RYR2: variants seen among roughly 807,000 people sequenced by gnomAD.
The protein encoded by RYR2 is ryanodine receptor 2, also known as cardiac muscle ryanodine receptor-calcium release channel.
In RYR2, 227 loss-of-function variants were observed where a neutral mutation model predicts 601.1. The ratio of observed to expected loss-of-function variants is 0.38; its 90% CI spans 0.34 to 0.42. The LOEUF is 0.42. Among genes scored for constraint, RYR2 ranks in the 10% least tolerant of loss-of-function variants. The pLI is 1.00. For missense variants in RYR2, 4,646 were observed against 6,156.5 expected, an observed-to-expected ratio of 0.75 and a Z score of 8.21; for synonymous variants, 2,223 against 2,175.1, an observed-to-expected ratio of 1.02 and a Z score of -0.61.
In RYR2 at chr1:237,700,350, C is replaced by A. The variant is rs1356957973; in HGVS notation, c.9250C>A (p.Arg3084=). 6.2e-7 allele frequency: 1 copy of A among 1,602,894 alleles called. No homozygotes were observed. Among genetic ancestry groups the A allele is most frequent in the Non-Finnish European group, 8.5e-7 (1 of 1,174,236 alleles). ...CAAGCAGGGCCAGTTCACTCACACC[C>A]GAAACCAGCCCAAAGGGGTTACTCA... ...NLKQGQFTHT[R]NQPKGVTQII... The change falls in exon 65 of 105, where the codon CGA becomes AGA. Residue 3084 remains arginine (R), a synonymous_variant. Transcript: ENST00000366574.
chr1:237,045,216 C>T (rs1323248596), intron 1 of RYR2, among the ~76,000 whole-genome samples: 5 of 152,146 alleles, frequency 3.3e-5, no homozygotes, highest in African/African-American at 1.2e-4. Flanking sequence ...ATTGAGGCAT[C>T]TTTTTGACCA....
chr1:237,376,492 G>A (rs1701045765), intron 7 of RYR2, among the ~76,000 whole-genome samples: 1 of 149,792 alleles, frequency 6.7e-6, no homozygotes, highest in Admixed American at 6.6e-5. Flanking sequence ...ATAAAGTTGA[G>A]TGAAGGTAAA....
chr1:237,759,533 C>T (rs1558356890), intron 82 of RYR2, among the ~76,000 whole-genome samples: 2 of 152,142 alleles, frequency 1.3e-5, no homozygotes, highest in Non-Finnish European at 1.5e-5. Flanking sequence ...TAATATATTA[C>T]CCCTGACATT....
chr1:237,259,023 A>G (rs1688262529), intron 1 of RYR2, among the ~76,000 whole-genome samples: 1 of 151,968 alleles, frequency 6.6e-6, no homozygotes, highest in Non-Finnish European at 1.5e-5. Flanking sequence ...CTCTGACATC[A>G]TCTTGATGGT....
intron 2 of RYR2, among the ~76,000 whole-genome samples, chr1:237,271,979 A>T (rs906222259): frequency 4.6e-5 from 7 of 151,980 alleles, no homozygotes; most frequent in African/African-American, 9.7e-5. Flanking sequence ...AAAATACAAA[A>T]ATTAGCTGGG....
intron 29 of RYR2, among the ~76,000 whole-genome samples, chr1:237,575,914 A>G (rs1238112060): frequency 6.6e-6 from 1 of 152,220 alleles, no homozygotes; most frequent in Non-Finnish European, 1.5e-5. Context: ...ACACATTACT[A>G]GGAACAATTG....
At chr1:237,564,181 G>A (rs777658472) in intron 27 of RYR2, among the ~76,000 whole-genome samples, 12 of 151,964 alleles carry the variant, frequency 7.9e-5, no homozygotes, top group South Asian at 2.1e-4. Context: ...ACAATTTATC[G>A]GTAATCTGTT....
intron 27 of RYR2, among the ~76,000 whole-genome samples, chr1:237,560,161 A>G (rs926676034): frequency 1.3e-5 from 2 of 152,252 alleles, no homozygotes; most frequent in Admixed American, 6.5e-5. Context: ...GGGCATGAGC[A>G]TGGCCTTCTA....
chr1:237,510,047 G>A (rs1665727599), intron 23 of RYR2, among the ~76,000 whole-genome samples: 1 of 152,190 alleles, frequency 6.6e-6, no homozygotes, highest in Non-Finnish European at 1.5e-5. Flanking sequence ...TCTGTAGGGG[G>A]CTAAAGAGCA....
At chr1:237,591,634 G>A in intron 31 of RYR2, 105 bp from the exon 32 acceptor site, 2 of 876,436 alleles carry the variant, frequency 2.3e-6, no homozygotes, top group Non-Finnish European at 3.7e-6. Flanking sequence ...CCCCCAGGGA[G>A]CAAAATCGCC....
intron 79 of RYR2, among the ~76,000 whole-genome samples, chr1:237,735,936 G>A (rs1383635763): frequency 1.3e-5 from 2 of 152,108 alleles, no homozygotes; most frequent in African/African-American, 2.4e-5. Context: ...AACCAATGGA[G>A]GGCCAACTGT....
intron 1 of RYR2, among the ~76,000 whole-genome samples, chr1:237,120,042 T>G (rs1246849795): frequency 6.6e-6 from 1 of 152,186 alleles, no homozygotes; most frequent in Non-Finnish European, 1.5e-5. Context: ...GATGTTTATT[T>G]TATGATCTCT....
intron 53 of RYR2, among the ~76,000 whole-genome samples, 168 bp from the exon 54 acceptor site, chr1:237,657,771 ACTTTT>A (rs1261586823): frequency 3.3e-5 from 5 of 151,964 alleles, no homozygotes; most frequent in Non-Finnish European, 5.9e-5. Context: ...TATCTGCTTG[ACTTTT>A]CTTATATTGT....
At chr1:237,126,727 T>G (rs4659771) in intron 1 of RYR2, among the ~76,000 whole-genome samples, 127,153 of 152,124 alleles carry the variant, frequency 0.84, 54,339 homozygotes, top group Non-Finnish European at 0.92. Context: ...GATCTGAACA[T>G]GTACCTGTGT....
At chr1:237,239,702 G>A (rs1685946337) in intron 1 of RYR2, among the ~76,000 whole-genome samples, 1 of 152,174 alleles carries the variant, frequency 6.6e-6, no homozygotes, top group African/African-American at 2.4e-5. Flanking sequence ...TATTAAAAGG[G>A]AAATCTTACC....
intron 1 of RYR2, among the ~76,000 whole-genome samples, chr1:237,137,916 C>G (rs375875779): frequency 2.6e-5 from 4 of 152,246 alleles, no homozygotes; most frequent in African/African-American, 9.6e-5. Context: ...CACAGACTCT[C>G]AACATGCTTA....
intron 2 of RYR2, among the ~76,000 whole-genome samples, chr1:237,311,423 A>G (rs1694552862): frequency 6.6e-6 from 1 of 152,146 alleles, no homozygotes; most frequent in East Asian, 1.9e-4. Flanking sequence ...TTTAAAACCT[A>G]AACATTTAGA....
intron 37 of RYR2, among the ~76,000 whole-genome samples, 174 bp downstream of exon 37, chr1:237,615,017 T>A (rs1160226210): frequency 6.6e-6 from 1 of 152,168 alleles, no homozygotes; most frequent in Non-Finnish European, 1.5e-5. Flanking sequence ...TCATTAGCCA[T>A]CTCCTCTTGT....
Position 237,374,668 on chromosome 1 carries a change from A to G in RYR2, c.385-49A>G, listed in dbSNP as rs148129186. 1.5e-4 allele frequency: 226 copies of G among 1,484,274 alleles called. 1 individual carries two copies. In the East Asian group the frequency reaches 4.9e-3, roughly 32 times the overall value. 91.9% of individuals were successfully genotyped at this position (1,484,274 alleles called of 1,614,324 possible). ...AGCAACCTTGTCTCAAACACAAACA[A>G]CAGACGAACAAAACCTCTACTTACA... On this transcript the variant is annotated intron_variant, in intron 6 of 104. Coordinates refer to ENST00000366574, the MANE Select transcript of RYR2 (RefSeq NM_001035.3).
Sources: allele counts gnomAD v4.1 joint callset (sites outside exome capture counted in the v4.1 genomes callset), GRCh38; gene constraint gnomAD v4.1.1; transcripts MANE v1.5; gene names NCBI Gene and HGNC (gene_info 2026-07-23, HGNC 2026-07-21).